Variants in SUPT6H observed in about 807,000 individuals in gnomAD.
SUPT6H encodes SPT6 homolog, histone chaperone and transcription elongation factor.
In SUPT6H, 11 loss-of-function variants were observed where a neutral mutation model predicts 222.3. That is an observed-to-expected ratio of 0.05 (90% CI 0.03 to 0.08). The LOEUF (loss-of-function observed/expected upper bound fraction) is 0.08. Among genes scored for constraint, SUPT6H ranks in the 10% least tolerant of loss-of-function variants. The pLI is 1.00. For missense variants in SUPT6H, 1,422 were observed against 2,216.0 expected, an observed-to-expected ratio of 0.64 and a Z score of 7.19; for synonymous variants, 762 against 801.2, an observed-to-expected ratio of 0.95 and a Z score of 0.83.
Position 28,673,894 on chromosome 17 carries a change from C to T in SUPT6H, c.109+384C>T, listed in dbSNP as rs79019441. ...TAGAATTGTCAACAGAGTAGAACCACGAAATGACTTCAAAGGGGTAAAGGG... is the reference window on the plus strand; with the variant it reads ...TAGAATTGTCAACAGAGTAGAACCATGAAATGACTTCAAAGGGGTAAAGGG... On this transcript the variant is annotated intron_variant, in intron 2 of 36. Transcript: ENST00000314616. 2.9e-4 allele frequency among the ~76,000 whole-genome samples: 44 copies of T among 152,030 alleles called. No homozygotes were observed. In the East Asian group the frequency reaches 6.0e-3, roughly 21 times the overall value.
intron 1 of SUPT6H, among the ~76,000 whole-genome samples, chr17:28,667,366 G>A (rs1456384430): frequency 4.1e-5 from 3 of 74,040 alleles, no homozygotes; most frequent in Non-Finnish European, 6.9e-5. Context: ...GCAAGACTCC[G>A]TCTCAAAAAA....
Position 28,701,611 on chromosome 17 carries a change from G to A in SUPT6H, c.5167G>A (p.Glu1723Lys), listed in dbSNP as rs1350680093. ...IAGDATPLLD[E>K]MDR is the part of the protein sequence containing the mutation. ...TGGCGATGCCACCCCACTCCTGGAC[G>A]AGATGGATCGGTAGGGGGCCTGCTC... The change falls in exon 37 of 37, where the codon GAG (glutamate) becomes AAG (lysine). Residue 1723 changes from glutamate to lysine, a missense_variant. Glu to Lys is a moderately conservative substitution (Grantham distance 56). Around this residue, in one of 13 missense-constraint regions of SUPT6H, gnomAD observed 395 missense variants for 580.6 expected, o/e 0.68. Transcript: ENST00000314616. The A allele has an allele frequency of 6.2e-7, 1 of 1,610,224 alleles. No homozygotes were observed.
chr17:28,674,249 C>T (rs1421468748), intron 2 of SUPT6H, 34 bp from the exon 3 acceptor site: 1 of 1,612,308 alleles, frequency 6.2e-7, no homozygotes, highest in Non-Finnish European at 8.5e-7. Context: ...GCCTGTTTTT[C>T]AGTCTCCATG....
intron 1 of SUPT6H, among the ~76,000 whole-genome samples, chr17:28,664,798 T>C (rs1429255301): frequency 6.6e-6 from 1 of 152,242 alleles, no homozygotes; most frequent in Non-Finnish European, 1.5e-5. Context: ...CACTGAGTGG[T>C]GCTCCTATCC....
At chr17:28,693,303 A>G (rs1332207221) in intron 27 of SUPT6H, among the ~76,000 whole-genome samples, 1 of 152,076 alleles carries the variant, frequency 6.6e-6, no homozygotes, top group Non-Finnish European at 1.5e-5. Flanking sequence ...TCTACTAAAA[A>G]TACAAAAATC....
At chr17:28,664,029 A>G (rs1266306906) in intron 1 of SUPT6H, among the ~76,000 whole-genome samples, 3 of 151,612 alleles carry the variant, frequency 2.0e-5, no homozygotes, top group Non-Finnish European at 2.9e-5. Flanking sequence ...AGTGACTTCT[A>G]TGTTGCCAAA....
At chr17:28,684,360 T>C (rs1484512949) in intron 17 of SUPT6H, among the ~76,000 whole-genome samples, 1 of 152,146 alleles carries the variant, frequency 6.6e-6, no homozygotes, top group Non-Finnish European at 1.5e-5. Flanking sequence ...CCAGCCCCAC[T>C]CATCCAAACA....
intron 2 of SUPT6H, 115 bp from the exon 3 acceptor site, chr17:28,674,168 A>T: frequency 1.5e-6 from 2 of 1,300,650 alleles, no homozygotes; most frequent in Non-Finnish European, 2.1e-6. Flanking sequence ...CAGAAGAGTT[A>T]ACATGGCACC....
rs780156576 is a variant in SUPT6H at position 28,691,158 on chromosome 17, TTCTC to T, written c.3633+98_3633+101del. 6 of 1,447,592 alleles carry T rather than the reference TTCTC, an allele frequency of 4.1e-6. No individual in the cohort carries two copies. In the South Asian group the frequency reaches 6.3e-5, roughly 15 times the overall value. 89.7% of individuals were successfully genotyped at this position (1,447,592 alleles called of 1,614,324 possible). On this transcript the variant is annotated intron_variant, in intron 27 of 36. Coordinates refer to ENST00000314616, the MANE Select transcript of SUPT6H (RefSeq NM_003170.5). ...TCAGAAATGAGGGTGTTCTAGATCA[TTCTC>T]TCACCAAACAAGTACACAAAGAAGG...
At chr17:28,669,184 CAGT>C (rs895704641) in intron 1 of SUPT6H, among the ~76,000 whole-genome samples, 2 of 152,040 alleles carry the variant, frequency 1.3e-5, no homozygotes, top group Non-Finnish European at 2.9e-5. Flanking sequence ...TTATGAATAA[CAGT>C]AGTTTTTTGG....
chr17:28,665,132 GCCCTGCTTGAGCATACCTCTCCCT>G (rs1567682032), intron 1 of SUPT6H, among the ~76,000 whole-genome samples: 3 of 151,972 alleles, frequency 2.0e-5, no homozygotes, highest in Non-Finnish European at 4.4e-5. Context: ...TGGCCTTTAC[GCCCTGCTTGAGCATACCTCTCCCT>G]CATAGGCTGC....
chr17:28,667,439 A>ATATATATATATG (rs1454850560), intron 1 of SUPT6H, among the ~76,000 whole-genome samples: 6 of 119,428 alleles, frequency 5.0e-5, no homozygotes, highest in Non-Finnish European at 8.7e-5. Flanking sequence ...ATATATATGT[A>ATATATATATATG]TGTGTGTGTG....
At chr17:28,683,558 TC>T in intron 16 of SUPT6H, 62 bp from the exon 17 acceptor site, 1 of 1,590,958 alleles carries the variant, frequency 6.3e-7, no homozygotes, top group Non-Finnish European at 8.6e-7. Flanking sequence ...CTTAGAATGT[TC>T]ATGGACATTG....
In SUPT6H at chr17:28,695,405, T is replaced by G. The variant is rs2031856052; in HGVS notation, c.3828T>G (p.Ser1276Arg). 1 of 1,613,986 alleles carries G rather than the reference T, an allele frequency of 6.2e-7. No homozygotes were observed. Residue 1276 changes from serine to arginine, a missense_variant, in exon 29 of 37, where the codon AGT becomes AGG. By Grantham distance (110) the Ser-to-Arg change is moderately radical. This residue lies in a region of SUPT6H where 39 missense variants were observed against 124.2 expected (regional missense o/e 0.31). Coordinates refer to ENST00000314616, the MANE Select transcript of SUPT6H (RefSeq NM_003170.5). ...RIMKIDIEKFSADLTCRTSDL... is the reference protein window; with the variant it reads ...RIMKIDIEKFRADLTCRTSDL... ...TGAAGATTGACATTGAGAAGTTCAG[T>G]GCAGACCTGACCTGCCGCACCTCAG...
chr17:28,684,220 C>T (rs985651284), intron 17 of SUPT6H, among the ~76,000 whole-genome samples: 1 of 151,826 alleles, frequency 6.6e-6, no homozygotes, highest in African/African-American at 2.4e-5. Context: ...ATGAAGGAAC[C>T]CCTTAGGAAT....
intron 25 of SUPT6H, 68 bp downstream of exon 25, chr17:28,689,629 G>A (rs572908776): frequency 6.9e-7 from 1 of 1,459,180 alleles, no homozygotes; most frequent in African/African-American, 1.4e-5. Flanking sequence ...AGGAGACTTG[G>A]GCAGTGAGTG....
chr17:28,671,246 T>C (rs992079275), intron 1 of SUPT6H: 2 of 152,226 alleles, frequency 1.3e-5, no homozygotes, highest in Admixed American at 6.5e-5. Flanking sequence ...GTAGTTTATT[T>C]AACAGACACT....
chr17:28,679,251 TA>T (rs1346543372), intron 11 of SUPT6H, among the ~76,000 whole-genome samples: 4 of 152,118 alleles, frequency 2.6e-5, no homozygotes, highest in African/African-American at 9.7e-5. Context: ...CACACGCCTG[TA>T]ATCCCAGCTA....
At position 28,683,536 on chromosome 17, in the gene SUPT6H, G is replaced by A; in HGVS notation, c.2034-85G>A. ...CAATTTCAGAGTTGAGCAGGCTGTT[G>A]TCTCTGGCTTGCTTAGAATGTTCAT... On this transcript the variant is annotated intron_variant, in intron 16 of 36. Transcript: ENST00000314616. 4.4e-6 allele frequency: 7 copies of A among 1,583,324 alleles called. No individual in the cohort carries two copies. In the East Asian group the frequency reaches 1.6e-4, roughly 36 times the overall value.
Sources: allele counts gnomAD v4.1 joint callset (sites outside exome capture counted in the v4.1 genomes callset), GRCh38; gene constraint gnomAD v4.1.1; regional missense constraint gnomAD v4.1.1; transcripts MANE v1.5; gene names NCBI Gene and HGNC (gene_info 2026-07-23, HGNC 2026-07-21).